Variants in PRH1 observed in about 807,000 individuals in gnomAD.
The protein encoded by PRH1 is salivary acidic proline-rich phosphoprotein 1/2.
Under a neutral mutation model 7.9 loss-of-function variants are expected in PRH1, and 7 were observed. The observed-to-expected ratio is 0.89, with a 90% CI of 0.50 to 1.67. PRH1 has a LOEUF of 1.67. Ranked by LOEUF, PRH1 falls within the 40% of genes most tolerant of loss-of-function variation. PRH1 has a pLI of 0.00. For synonymous variants in PRH1, 45 were observed against 80.8 expected (o/e 0.56, Z 2.38); for missense variants, 109 against 223.6 (o/e 0.49, Z 3.27).
At chr12:11,007,627 A>C (rs1385931058) in intron 1 of PRH1, among the ~76,000 whole-genome samples, 1 of 152,128 alleles carries the variant, frequency 6.6e-6, no homozygotes, top group Non-Finnish European at 1.5e-5. Flanking sequence ...TTGACCTTGG[A>C]ATCTGAGCTC....
At chr12:10,915,084 T>C (rs1386777638) in intron 2 of PRH1, among the ~76,000 whole-genome samples, 2 of 152,096 alleles carry the variant, frequency 1.3e-5, no homozygotes, top group Admixed American at 6.6e-5. Context: ...GCCAAGATCA[T>C]GCCACTGCAC....
At chr12:11,165,980 C>G (rs1163949219) in intron 1 of PRH1, 1 of 152,244 alleles carries the variant, frequency 6.6e-6, no homozygotes, top group Non-Finnish European at 1.5e-5. Flanking sequence ...TTGTTCTTCT[C>G]TAGCAACTGC....
At chr12:11,089,694 A>G (rs113233989) in intron 1 of PRH1, among the ~76,000 whole-genome samples, 12,776 of 74,306 alleles carry the variant, frequency 0.17, 1,034 homozygotes, top group Non-Finnish European at 0.24. Flanking sequence ...ATGCCATTTT[A>G]TTTAAATAGT....
intron 1 of PRH1, among the ~76,000 whole-genome samples, chr12:10,982,414 C>A (rs992803720): frequency 1.3e-5 from 2 of 152,200 alleles, no homozygotes; most frequent in African/African-American, 2.4e-5. Context: ...CACACTTGCA[C>A]ATTCGCTCTA....
chr12:11,137,247 GCTT>G (rs1398330922), intron 1 of PRH1, among the ~76,000 whole-genome samples: 1 of 152,068 alleles, frequency 6.6e-6, no homozygotes, highest in Non-Finnish European at 1.5e-5. Flanking sequence ...AGAAATCAAG[GCTT>G]CTTCATTTAT....
intron 2 of PRH1, among the ~76,000 whole-genome samples, chr12:10,910,554 C>A (rs1949883090): frequency 6.6e-6 from 1 of 152,118 alleles, no homozygotes; most frequent in African/African-American, 2.4e-5. Context: ...CTGTACTGTA[C>A]ACACCTATTT....
chr12:10,930,205 A>G, intron 2 of PRH1: 1 of 1,559,312 alleles, frequency 6.4e-7, no homozygotes, highest in Non-Finnish European at 8.8e-7. Flanking sequence ...ATCCTCGTAG[A>G]ACACTATGAG....
intron 2 of PRH1, among the ~76,000 whole-genome samples, chr12:10,959,888 T>G (rs946050151): frequency 2.6e-5 from 4 of 152,128 alleles, no homozygotes; most frequent in Non-Finnish European, 4.4e-5. Context: ...TGTGACATTT[T>G]CAGTTTAGAG....
chr12:10,990,135 A>AG (rs1425034098), intron 1 of PRH1, among the ~76,000 whole-genome samples: 2 of 152,226 alleles, frequency 1.3e-5, no homozygotes, highest in East Asian at 3.8e-4. Flanking sequence ...CACATAGAGC[A>AG]GCGAAATAGA....
chr12:11,105,932 T>C (rs1196299862), intron 1 of PRH1, among the ~76,000 whole-genome samples: 1 of 111,164 alleles, frequency 9.0e-6, no homozygotes, highest in African/African-American at 3.0e-5. Flanking sequence ...TTGAATAACT[T>C]ATTCTTTTTT....
intron 1 of PRH1, chr12:11,022,378 A>C: frequency 1.3e-6 from 2 of 1,571,710 alleles, no homozygotes; most frequent in Non-Finnish European, 1.7e-6. Flanking sequence ...TGCATACCAA[A>C]GGAATAACAT....
In PRH1 at chr12:11,124,057, A is replaced by T. The variant is rs779276850; in HGVS notation, n.40-2877T>A. 1.0e-4 allele frequency among the ~76,000 whole-genome samples: 13 copies of T among 127,158 alleles called. 1 individual carries two copies. The Middle Eastern group carries it at 0.013, about 126-fold the overall frequency. The allele number at this position is 127,158 out of a possible 152,430, so 83.4% of individuals were successfully genotyped here. A position where few individuals can be genotyped will look rare whatever the true frequency, so the allele number is the denominator to read the frequency against. On this transcript the variant is annotated intron_variant and non_coding_transcript_variant, in intron 1 of 1. Coordinates refer to the PRH1 transcript ENST00000541175. ...GGTCAGAGAATAGAATAAAAGCTTC[A>T]TCTTGGAATTTACCTTCAATTTGAA... is the stretch of plus-strand genomic sequence containing the variant.
Position 11,003,932 on chromosome 12 carries a change from T to C in PRH1, c.-125-30211A>G, listed in dbSNP as rs533856567. On this transcript the variant is annotated intron_variant, in intron 1 of 3. Transcript: ENST00000539853. The stretch of plus-strand genomic sequence containing the variant: ...ATTCTGTAAGTATGTCATAATTTAT[T>C]TATCCATTTTATTACTGATGGTCAT... Among the ~76,000 whole-genome samples the C allele has an allele frequency of 3.8e-4, 58 of 152,196 alleles. No individual in the cohort carries two copies. The Middle Eastern group carries it at 0.01, about 27-fold the overall frequency.
intron 2 of PRH1, among the ~76,000 whole-genome samples, chr12:10,924,537 C>A (rs1426062689): frequency 1.3e-5 from 2 of 152,126 alleles, no homozygotes; most frequent in Non-Finnish European, 2.9e-5. Flanking sequence ...GGGAGGATTC[C>A]CTCTTTTTCT....
chr12:10,989,218 G>T (rs536189839), intron 1 of PRH1, among the ~76,000 whole-genome samples: 1 of 151,638 alleles, frequency 6.6e-6, no homozygotes, highest in Non-Finnish European at 1.5e-5. Flanking sequence ...GTATGTTCCT[G>T]TTCATGGCTT....
rs1449566974 is a variant in PRH1 at position 11,134,218 on chromosome 12, A to C, written n.40-13038T>G. On this transcript the variant is annotated intron_variant and non_coding_transcript_variant, in intron 1 of 1. Coordinates refer to the PRH1 transcript ENST00000541175. The stretch of plus-strand genomic sequence containing the variant: ...CAAATATAACCACTATTAGAATGGA[A>C]AAAATGATGGGCAGAAAAGTTATCA... The C allele has an allele frequency of 1.1e-5, 18 of 1,613,108 alleles. No homozygotes were observed. In the East Asian group the frequency reaches 1.3e-4, roughly 12 times the overall value.
intron 1 of PRH1, among the ~76,000 whole-genome samples, chr12:11,164,743 CAA>C (rs11292777): frequency 6.7e-6 from 1 of 148,498 alleles, no homozygotes; most frequent in Non-Finnish European, 1.5e-5. Context: ...TGAGGCTTCT[CAA>C]AAAAAAAAAT....
intron 1 of PRH1, chr12:11,021,560 A>G (rs1941629137): frequency 3.3e-6 from 3 of 909,832 alleles, no homozygotes; most frequent in East Asian, 5.0e-5. Flanking sequence ...AACACTATGG[A>G]AAAACTGATA....
intron 1 of PRH1, chr12:11,031,351 A>G (rs1942206162): frequency 1.2e-6 from 2 of 1,608,270 alleles, no homozygotes; most frequent in Non-Finnish European, 1.7e-6. Flanking sequence ...AACAGACAAA[A>G]AAAAATTGTT....
Sources: gnomAD v4.1 joint callset for allele counts (sites outside exome capture counted in the v4.1 genomes callset) on GRCh38, gnomAD v4.1.1 for gene constraint, MANE v1.5 for transcripts, NCBI Gene and HGNC (gene_info 2026-07-23, HGNC 2026-07-21) for gene names.